Variants in ADGRL1 observed in about 807,000 individuals in gnomAD.
The protein encoded by ADGRL1 is adhesion G protein-coupled receptor L1.
ADGRL1 carries 31 observed loss-of-function variants against 148.9 expected under a neutral mutation model. That is an observed-to-expected ratio of 0.21 (90% CI 0.16 to 0.28). ADGRL1 has a LOEUF of 0.28. ADGRL1 is among the 10% of genes least tolerant of loss of function. ADGRL1 has a pLI of 1.00. For missense variants in ADGRL1, 1,521 were observed against 2,058.8 expected (o/e 0.74, Z 5.05); for synonymous variants, 937 against 900.3 (o/e 1.04, Z -0.73).
intron 4 of ADGRL1, among the ~76,000 whole-genome samples, chr19:14,166,036 C>T (rs1297812534): frequency 6.6e-6 from 1 of 152,150 alleles, no homozygotes; most frequent in Non-Finnish European, 1.5e-5. Flanking sequence ...TGGCCAGCCC[C>T]ATCCACTAGG....
chr19:14,184,623 TTTATTTATTTA>T (rs1971448892), intron 1 of ADGRL1, among the ~76,000 whole-genome samples: 1 of 130,758 alleles, frequency 7.6e-6, no homozygotes, highest in African/African-American at 3.1e-5. Context: ...TATTTATTTA[TTTATTTATTTA>T]TTTATTTATT....
Position 14,196,226 on chromosome 19 carries a change from C to T in ADGRL1, c.-96+9759G>A, listed in dbSNP as rs1048538678. On this transcript the variant is annotated intron_variant, in intron 1 of 22. Coordinates refer to ENST00000361434, the MANE Select transcript of ADGRL1 (RefSeq NM_014921.5). The stretch of plus-strand genomic sequence containing the variant: ...TGTTTCCCCCAGGGCCACCAGAGGG[C>T]GCGTGTGAGCATCTAAGTCAGCCGC... Among the ~76,000 whole-genome samples, 5 of 152,226 alleles carry T rather than the reference C, an allele frequency of 3.3e-5. No individual in the cohort carries two copies. The East Asian group carries it at 5.8e-4, about 18-fold the overall frequency.
intron 2 of ADGRL1, among the ~76,000 whole-genome samples, chr19:14,181,383 T>C (rs924769750): frequency 2.6e-5 from 4 of 152,338 alleles, no homozygotes; most frequent in African/African-American, 9.6e-5. Context: ...GCCAGGAGCC[T>C]GCAGGGCTAT....
Position 14,151,521 on chromosome 19 carries a change from G to A in ADGRL1, c.3762C>T (p.Phe1254=). 6.2e-7 allele frequency: 1 copy of A among 1,611,088 alleles called. No individual in the cohort carries two copies. Among genetic ancestry groups the A allele is most frequent in the Non-Finnish European group, 8.5e-7 (1 of 1,178,980 alleles). ...NNSYSLRSGD[F]PPGDGGPEPP... ...GCTCAGGGCCCCCATCCCCGGGAGGGAAATCCCCACTTCGCAAGGAGTAAC... is the reference window on the plus strand; with the variant it reads ...GCTCAGGGCCCCCATCCCCGGGAGGAAAATCCCCACTTCGCAAGGAGTAAC... The change falls in exon 23 of 23, where the codon TTC becomes TTT. Residue 1254 remains phenylalanine, a synonymous_variant. Coordinates refer to ENST00000361434, the MANE Select transcript of ADGRL1 (RefSeq NM_014921.5).
In ADGRL1 at chr19:14,159,905, T is replaced by G; in HGVS notation, c.1801-132A>C. 1 of 996,964 alleles carries G rather than the reference T, an allele frequency of 1.0e-6. No individual in the cohort carries two copies. Among genetic ancestry groups the G allele is most frequent in the South Asian group, 1.4e-5 (1 of 73,894 alleles). 61.8% of individuals were successfully genotyped at this position (996,964 alleles called of 1,614,324 possible). A position where few individuals can be genotyped will look rare whatever the true frequency, so the allele number is the denominator to read the frequency against. ...CAGGGCTGGGCTATCAGCAAGACAT[T>G]CCTCAGGGATCCCCAACCCCCAGGA... On this transcript the variant is annotated intron_variant, in intron 8 of 22. Coordinates refer to ENST00000361434, the MANE Select transcript of ADGRL1 (RefSeq NM_014921.5). This position sits in a 1 kb window ranked among gnomAD's most constrained non-coding sequence, Gnocchi z 6.0.
At chr19:14,203,922 C>A (rs914814885) in intron 1 of ADGRL1, among the ~76,000 whole-genome samples, 1 of 152,072 alleles carries the variant, frequency 6.6e-6, no homozygotes, top group African/African-American at 2.4e-5. Context: ...TGGGGTGGAC[C>A]GAGCGGGGCC....
intron 1 of ADGRL1, among the ~76,000 whole-genome samples, chr19:14,204,795 C>G (rs780635193): frequency 1.3e-5 from 2 of 151,882 alleles, no homozygotes; most frequent in African/African-American, 4.8e-5. Flanking sequence ...CCATTTTGAA[C>G]CCCTCCCCCT....
rs767989236 is a variant in ADGRL1, at chr19:14,149,779, C to T, written c.*1094G>A. The stretch of plus-strand genomic sequence containing the variant: ...TAAAAAGCTGCTCTGGCGGCCCGCC[C>T]GCCCCGGCGGGGACTGGGGATGCAC... On this transcript the variant is annotated 3_prime_UTR_variant, in exon 23 of 23. Coordinates refer to ENST00000361434, the MANE Select transcript of ADGRL1 (RefSeq NM_014921.5). 1.2e-4 allele frequency: 18 copies of T among 152,468 alleles called. No individual in the cohort carries two copies. Among genetic ancestry groups the T allele is most frequent in the Non-Finnish European group, 5.9e-5 (4 of 67,964 alleles). 9.4% of individuals were successfully genotyped at this position (152,468 alleles called of 1,614,324 possible).
At position 14,155,473 on chromosome 19, in the gene ADGRL1, A is replaced by C. The variant is rs1415221171; in HGVS notation, c.3180T>G (p.Ala1060=). The C allele has an allele frequency of 1.9e-6, 3 of 1,614,086 alleles. No homozygotes were observed. Among genetic ancestry groups the C allele is most frequent in the Admixed American group, 3.3e-5 (2 of 60,026 alleles). ...CCTTGTTGATGAAGAGGAGGCCGAAAGCCCAGGTGAGGCCCAGCAGGAACA... is the reference window on the plus strand; with the variant it reads ...CCTTGTTGATGAAGAGGAGGCCGAACGCCCAGGTGAGGCCCAGCAGGAACA... The part of the protein sequence containing the change: ...ALLFLLGLTW[A]FGLLFINKES... The change falls in exon 18 of 23, where the codon GCT becomes GCG. Residue 1060 remains alanine (A), a synonymous_variant. Coordinates refer to ENST00000361434, the MANE Select transcript of ADGRL1 (RefSeq NM_014921.5). This position sits in a 1 kb window ranked among gnomAD's most constrained non-coding sequence, Gnocchi z 5.0.
In ADGRL1 at chr19:14,159,287, A is replaced by AC. The variant is rs2052175614; in HGVS notation, c.2024-73dup. On this transcript the variant is annotated intron_variant, in intron 10 of 22. Coordinates refer to ENST00000361434, the MANE Select transcript of ADGRL1 (RefSeq NM_014921.5). This position sits in a 1 kb window ranked among gnomAD's most constrained non-coding sequence, Gnocchi z 6.0. ...CCAGTCCAGGGGCTCAGGCTGCAGA[A>AC]CGAGACTCTGGCAAGATGCCCAAGG... is the stretch of plus-strand genomic sequence containing the variant. 1.9e-6 allele frequency: 3 copies of AC among 1,586,204 alleles called. No individual in the cohort carries two copies. Among genetic ancestry groups the AC allele is most frequent in the Non-Finnish European group, 1.7e-6 (2 of 1,162,196 alleles).
chr19:14,189,506 G>A (rs895590571), intron 1 of ADGRL1, among the ~76,000 whole-genome samples: 3 of 152,084 alleles, frequency 2.0e-5, no homozygotes, highest in African/African-American at 7.2e-5. Flanking sequence ...CTGGGATTAC[G>A]GCTGTGAGCC....
intron 1 of ADGRL1, among the ~76,000 whole-genome samples, chr19:14,190,125 A>T (rs1971837578): frequency 6.6e-6 from 1 of 152,160 alleles, no homozygotes; most frequent in African/African-American, 2.4e-5. Context: ...ATGGAGTCTC[A>T]TGTTGCCCAG....
rs1452130700 is a variant in ADGRL1 at position 14,193,326 on chromosome 19, C to T, written c.-95-9629G>A. Among the ~76,000 whole-genome samples, 3 of 146,920 alleles carry T rather than the reference C, an allele frequency of 2.0e-5. No individual in the cohort carries two copies. The East Asian group carries it at 6.0e-4, about 29-fold the overall frequency. ...TGGGCACAGTGCACAGTGGCTCACACCTACAACCCCAGTACTTTGGGAGGC... is the reference window on the plus strand; with the variant it reads ...TGGGCACAGTGCACAGTGGCTCACATCTACAACCCCAGTACTTTGGGAGGC... On this transcript the variant is annotated intron_variant, in intron 1 of 22. Coordinates refer to ENST00000361434, the MANE Select transcript of ADGRL1 (RefSeq NM_014921.5).
In ADGRL1 at chr19:14,162,805, G is replaced by C; in HGVS notation, c.996C>G (p.Ser332Arg). The C allele has an allele frequency of 6.2e-7, 1 of 1,614,068 alleles. No homozygotes were observed. Among genetic ancestry groups the C allele is most frequent in the Admixed American group, 1.7e-5 (1 of 60,020 alleles). ...AGTCCACGCGGTTGCCAGCCGCCTC[G>C]CTGTCATCATCCACGTACACGGAAC... The part of the protein sequence containing the change: ...VLRSVYVDDD[S>R]EAAGNRVDYA... The change falls in exon 5 of 23, where the codon AGC becomes AGG. Residue 332 changes from serine (S) to arginine (R), a missense_variant. Physicochemically the swap from Ser to Arg is moderately radical, Grantham distance 110. This residue lies in a region of ADGRL1 where 334 missense variants were observed against 512.5 expected (regional missense o/e 0.65). Transcript: ENST00000361434. This position sits in a 1 kb window ranked among gnomAD's most constrained non-coding sequence, Gnocchi z 5.4.
intron 4 of ADGRL1, among the ~76,000 whole-genome samples, chr19:14,167,882 C>T (rs955740741): frequency 2.6e-5 from 4 of 151,860 alleles, no homozygotes; most frequent in Admixed American, 1.3e-4. Context: ...ACCCAGGGCC[C>T]GGGGGCCCAG....
intron 2 of ADGRL1, among the ~76,000 whole-genome samples, chr19:14,183,218 C>CAGAGAGAGAGAGAGA (rs1971336222): frequency 8.0e-6 from 1 of 124,868 alleles, no homozygotes; most frequent in Admixed American, 8.0e-5. Context: ...AGAGAGAGAG[C>CAGAGAGAGAGAGAGA]GAGAGAGAGA....
chr19:14,183,799 C>T (rs1035300533), intron 1 of ADGRL1, 102 bp from the exon 2 acceptor site: 13 of 573,130 alleles, frequency 2.3e-5, no homozygotes, highest in East Asian at 9.1e-5. Flanking sequence ...AGGTCCAGCA[C>T]GTCCCTCGAG....
rs1010807364 is a variant in ADGRL1, at chr19:14,151,326, C to T, written c.3957G>A (p.Gly1319=). 6.3e-7 allele frequency: 1 copy of T among 1,593,766 alleles called. No individual in the cohort carries two copies. ...PGGGGEEEAG[G]PGGADRAEIE... ...TCTCGGCCCGGTCAGCACCCCCGGGCCCGCCCGCCTCTTCCTCGCCCCCGC... is the reference window on the plus strand; with the variant it reads ...TCTCGGCCCGGTCAGCACCCCCGGGTCCGCCCGCCTCTTCCTCGCCCCCGC... Residue 1319 remains glycine (G), a synonymous_variant, in exon 23 of 23, where the codon GGG becomes GGA. Transcript: ENST00000361434.
In ADGRL1 at chr19:14,162,879, G is replaced by A. The variant is rs1243120331; in HGVS notation, c.922C>T (p.Arg308Cys). The change falls in exon 5 of 23, where the codon CGC (arginine) becomes TGC (cysteine). Residue 308 changes from arginine to cysteine, a missense_variant. Around this residue, in one of 8 missense-constraint regions of ADGRL1, gnomAD observed 334 missense variants for 512.5 expected, o/e 0.65. Coordinates refer to ENST00000361434, the MANE Select transcript of ADGRL1 (RefSeq NM_014921.5). This position sits in a 1 kb window ranked among gnomAD's most constrained non-coding sequence, Gnocchi z 5.4. ...EGTWETGYDK[R>C]SASNAFMVCG... is the part of the protein sequence containing the mutation. ...ACCATGAAGGCGTTGGATGCCGAGC[G>A]CTTGTCGTAACCCGTCTCCCACGTG... 2.5e-6 allele frequency: 4 copies of A among 1,613,800 alleles called. No homozygotes were observed. Among genetic ancestry groups the A allele is most frequent in the Non-Finnish European group, 3.4e-6 (4 of 1,179,934 alleles).
Sources: gnomAD v4.1 joint callset for allele counts (sites outside exome capture counted in the v4.1 genomes callset) on GRCh38, gnomAD v4.1.1 for gene constraint, gnomAD v4.1.1 regional missense constraint, Gnocchi (gnomAD v3.1) non-coding constraint, MANE v1.5 for transcripts, NCBI Gene and HGNC (gene_info 2026-07-23, HGNC 2026-07-21) for gene names.